Variants in CTNNA2 observed in about 807,000 individuals in gnomAD.
CTNNA2 encodes catenin alpha-2.
A neutral mutation model predicts 101.0 loss-of-function variants in CTNNA2; 42 were observed. The observed-to-expected ratio is 0.42, with a 90% confidence interval of 0.32 to 0.54. CTNNA2 has a LOEUF of 0.54. Among genes scored for constraint, CTNNA2 ranks in the 20% least tolerant of loss-of-function variants. The pLI, the probability that CTNNA2 is intolerant of heterozygous loss-of-function variation, is 0.14. For missense variants in CTNNA2, 871 were observed against 1,223.1 expected (o/e 0.71, Z 4.29); for synonymous variants, 450 against 456.4 (o/e 0.99, Z 0.18).
chr2:79,315,300 G>T (rs751342607), intron 3 of CTNNA2, among the ~76,000 whole-genome samples: 1 of 152,096 alleles, frequency 6.6e-6, no homozygotes, highest in African/African-American at 2.4e-5. Flanking sequence ...TAATTCAATA[G>T]TTTCCATATA....
At chr2:80,120,434 G>A (rs915482810) in intron 7 of CTNNA2, among the ~76,000 whole-genome samples, 2 of 152,132 alleles carry the variant, frequency 1.3e-5, no homozygotes, top group Admixed American at 6.5e-5. Context: ...GAAGGAAACC[G>A]AGTGCTCATT....
intron 7 of CTNNA2, among the ~76,000 whole-genome samples, chr2:80,172,039 G>A (rs533247089): frequency 6.6e-6 from 1 of 152,242 alleles, no homozygotes; most frequent in South Asian, 2.1e-4. Flanking sequence ...CAGCAAGGGA[G>A]AAATCATAGA....
chr2:79,339,629 G>T (rs1334666519), intron 3 of CTNNA2: 1 of 152,280 alleles, frequency 6.6e-6, no homozygotes, highest in South Asian at 2.1e-4. Context: ...TGAAACTGTG[G>T]CCCAGAAAGT....
chr2:80,421,884 G>A (rs1338967502), intron 9 of CTNNA2, among the ~76,000 whole-genome samples: 2 of 151,518 alleles, frequency 1.3e-5, no homozygotes, highest in African/African-American at 4.9e-5. Flanking sequence ...GTGTGGATAT[G>A]GGCACCTTTC....
rs142520471 is a variant in CTNNA2 at position 79,859,047 on chromosome 2, A to C, written c.465+868A>C. On this transcript the variant is annotated intron_variant, in intron 4 of 18. Transcript: ENST00000402739. ...TGGGAATATGGCCTCTGCTTAGAGA[A>C]TCCCTACTCCATACCCTCAGTGAAA... is the stretch of plus-strand genomic sequence containing the variant. Among the ~76,000 whole-genome samples, 370 of 151,846 alleles carry C rather than the reference A, an allele frequency of 2.4e-3. 2 individuals are homozygous for C. The highest frequency in any genetic ancestry group is 8.5e-3 in the African/African-American group (352 of 41,434).
At chr2:80,599,722 TTTTC>T (rs373688334) in intron 15 of CTNNA2, among the ~76,000 whole-genome samples, 4 of 152,260 alleles carry the variant, frequency 2.6e-5, no homozygotes, top group African/African-American at 9.6e-5. Flanking sequence ...ATTCAAATAA[TTTTC>T]TTTATTTTAC....
chr2:79,611,300 C>T (rs1391381190), intron 1 of CTNNA2, among the ~76,000 whole-genome samples: 2 of 152,036 alleles, frequency 1.3e-5, no homozygotes, highest in Admixed American at 1.3e-4. Flanking sequence ...TGTAGCTGGG[C>T]TCCTATTATG....
chr2:79,625,635 A>G (rs1411638350), intron 1 of CTNNA2, among the ~76,000 whole-genome samples: 2 of 152,194 alleles, frequency 1.3e-5, no homozygotes, highest in African/African-American at 4.8e-5. Context: ...GTGTGTTTAC[A>G]TGCTGAGGAG....
intron 5 of CTNNA2, among the ~76,000 whole-genome samples, chr2:79,872,695 A>G (rs1202212052): frequency 6.6e-6 from 1 of 152,198 alleles, no homozygotes; most frequent in East Asian, 1.9e-4. Flanking sequence ...TAGATATCAA[A>G]TATAATGTGT....
intron 1 of CTNNA2, chr2:79,574,208 T>C (rs1675641279): frequency 1.3e-5 from 2 of 152,186 alleles, no homozygotes. Flanking sequence ...CATTTTCTTT[T>C]TCTTTTCTTC....
intron 2 of CTNNA2, among the ~76,000 whole-genome samples, chr2:79,673,619 A>AT (rs1392158555): frequency 3.9e-5 from 6 of 152,308 alleles, no homozygotes; most frequent in African/African-American, 1.4e-4. Context: ...CAGTTTTATG[A>AT]TTTTGTAAAT....
chr2:79,389,606 T>C (rs997334173), intron 4 of CTNNA2, among the ~76,000 whole-genome samples: 5 of 152,194 alleles, frequency 3.3e-5, no homozygotes, highest in African/African-American at 1.2e-4. Context: ...AGTTTTGTAT[T>C]CTCCCAAAGT....
chr2:80,495,781 A>G (rs1328174121), intron 9 of CTNNA2, among the ~76,000 whole-genome samples: 4 of 151,968 alleles, frequency 2.6e-5, no homozygotes, highest in Non-Finnish European at 4.4e-5. Context: ...TCTACTAAAA[A>G]ATACAAAAAT....
chr2:79,929,387 C>T (rs185843663), intron 7 of CTNNA2, among the ~76,000 whole-genome samples: 4 of 152,156 alleles, frequency 2.6e-5, no homozygotes, highest in South Asian at 2.1e-4. Flanking sequence ...GGACGTATTC[C>T]GAAACTGTAT....
At chr2:80,636,405 T>G (rs534811243) in intron 18 of CTNNA2, among the ~76,000 whole-genome samples, 1 of 152,240 alleles carries the variant, frequency 6.6e-6, no homozygotes, top group East Asian at 1.9e-4. Context: ...GGAACCCAAG[T>G]GTTTGTGTTT....
intron 7 of CTNNA2, among the ~76,000 whole-genome samples, chr2:79,911,399 T>C (rs1408547496): frequency 1.3e-5 from 2 of 152,200 alleles, no homozygotes; most frequent in African/African-American, 2.4e-5. Flanking sequence ...AAGATCTCAA[T>C]ATAAATAAAT....
chr2:80,173,810 C>T (rs958743729), intron 7 of CTNNA2, among the ~76,000 whole-genome samples: 1 of 152,066 alleles, frequency 6.6e-6, no homozygotes, highest in African/African-American at 2.4e-5. Flanking sequence ...GAGCCCTGAG[C>T]TCACCTAGGG....
chr2:80,350,660 T>C (rs1431943200), intron 7 of CTNNA2, among the ~76,000 whole-genome samples: 1 of 152,172 alleles, frequency 6.6e-6, no homozygotes, highest in Non-Finnish European at 1.5e-5. Flanking sequence ...AGGATTTTAA[T>C]GAAAATTAAA....
intron 4 of CTNNA2, among the ~76,000 whole-genome samples, chr2:79,411,428 G>T (rs1678409098): frequency 6.6e-6 from 1 of 151,840 alleles, no homozygotes; most frequent in Non-Finnish European, 1.5e-5. Flanking sequence ...GCTTTCTGTT[G>T]TGGGCATTTA....
Sources: gnomAD v4.1 joint callset for allele counts (sites outside exome capture counted in the v4.1 genomes callset) on GRCh38, gnomAD v4.1.1 for gene constraint, MANE v1.5 for transcripts, NCBI Gene and HGNC (gene_info 2026-07-23, HGNC 2026-07-21) for gene names.